RPS6KA2: variants seen among roughly 807,000 people sequenced by gnomAD.
RPS6KA2 encodes ribosomal protein S6 kinase A2.
Under a neutral mutation model 91.8 loss-of-function variants are expected in RPS6KA2, and 42 were observed. That is an observed-to-expected ratio of 0.46 (90% confidence interval 0.36 to 0.59). The LOEUF (loss-of-function observed/expected upper bound fraction) is 0.59. RPS6KA2 is among the 20% of genes least tolerant of loss of function. The probability of loss-of-function intolerance (pLI) is 0.00; values close to 1 mark genes in which losing one functional copy is unlikely to be tolerated. For synonymous variants in RPS6KA2, 414 were observed against 393.6 expected (o/e 1.05, Z -0.61); for missense variants, 798 against 978.5 (o/e 0.82, Z 2.46).
At position 166,445,792 on chromosome 6, in the gene RPS6KA2, T is replaced by A. The variant is rs746440084; in HGVS notation, c.1332+2932A>T. Among the ~76,000 whole-genome samples, 18 of 152,034 alleles carry A rather than the reference T, an allele frequency of 1.2e-4. No individual in the cohort carries two copies. Among genetic ancestry groups the A allele is most frequent in the Non-Finnish European group, 2.6e-4 (18 of 68,004 alleles). ...CCCGTTTGTATCCATGAGCCAGGGG[T>A]AGGTGGGATCGTATACGGCTCAAGC... On this transcript the variant is annotated intron_variant, in intron 14 of 20. Coordinates refer to ENST00000265678, the MANE Select transcript of RPS6KA2 (RefSeq NM_021135.6). The surrounding 1 kb of genome is among the most constrained non-coding windows in gnomAD (Gnocchi z 4.5).
At chr6:166,458,376 G>A (rs370327079) in intron 12 of RPS6KA2, among the ~76,000 whole-genome samples, 1 of 152,168 alleles carries the variant, frequency 6.6e-6, no homozygotes, top group African/African-American at 2.4e-5. Flanking sequence ...TGCCATCCAC[G>A]TAAGATGGGG....
intron 2 of RPS6KA2, among the ~76,000 whole-genome samples, chr6:166,844,026 T>C (rs1002240302): frequency 6.6e-6 from 1 of 151,592 alleles, no homozygotes; most frequent in Non-Finnish European, 1.5e-5. Flanking sequence ...AAAAAACATG[T>C]TATACAAAAT....
chr6:166,515,650 A>T (rs115426493), intron 3 of RPS6KA2, among the ~76,000 whole-genome samples: 117 of 152,316 alleles, frequency 7.7e-4, no homozygotes, highest in African/African-American at 2.7e-3. Context: ...GCTCTGCAGC[A>T]GAGGAGAATG....
At chr6:166,481,459 G>C (rs1371257135) in intron 10 of RPS6KA2, among the ~76,000 whole-genome samples, 1 of 152,258 alleles carries the variant, frequency 6.6e-6, no homozygotes, top group Non-Finnish European at 1.5e-5. Flanking sequence ...CTGCAGAGTG[G>C]AGGCCTCTGA....
chr6:166,561,292 ACCCTGTGCCCAGCTCAAGGT>A (rs1562580387), intron 1 of RPS6KA2, among the ~76,000 whole-genome samples: 1 of 151,948 alleles, frequency 6.6e-6, no homozygotes, highest in African/African-American at 2.4e-5. Flanking sequence ...GGAGGATGAG[ACCCTGTGCCCAGCTCAAGGT>A]CCCTGCTTTG....
intron 2 of RPS6KA2, among the ~76,000 whole-genome samples, chr6:166,792,957 A>C (rs1023578292): frequency 6.6e-5 from 10 of 152,060 alleles, no homozygotes; most frequent in East Asian, 1.9e-4. Flanking sequence ...GACAGGGATG[A>C]CCTCTCTCAC....
intron 9 of RPS6KA2, among the ~76,000 whole-genome samples, chr6:166,489,415 C>T (rs1047519348): frequency 1.3e-5 from 2 of 152,180 alleles, no homozygotes; most frequent in African/African-American, 4.8e-5. Flanking sequence ...AGAAAACCTG[C>T]GAGAGGAGGA....
intron 1 of RPS6KA2, among the ~76,000 whole-genome samples, chr6:166,616,495 T>G (rs1422107522): frequency 6.6e-6 from 1 of 152,198 alleles, no homozygotes; most frequent in Non-Finnish European, 1.5e-5. Flanking sequence ...TTCACATACA[T>G]GACGGTACAG....
chr6:166,751,109 C>A (rs139311507), intron 2 of RPS6KA2, among the ~76,000 whole-genome samples: 122 of 152,282 alleles, frequency 8.0e-4, no homozygotes, highest in Middle Eastern at 6.8e-3. Flanking sequence ...CGGCAGGCCT[C>A]CAGGTTCAGC....
At chr6:166,826,435 G>A (rs1456316649) in intron 2 of RPS6KA2, among the ~76,000 whole-genome samples, 1 of 152,186 alleles carries the variant, frequency 6.6e-6, no homozygotes, top group Non-Finnish European at 1.5e-5. Context: ...CATGTCCTGG[G>A]ATGACCTAAA....
At chr6:166,782,384 G>A (rs538008836) in intron 2 of RPS6KA2, among the ~76,000 whole-genome samples, 1 of 152,294 alleles carries the variant, frequency 6.6e-6, no homozygotes, top group African/African-American at 2.4e-5. Context: ...AGAAGCAATT[G>A]AGTCTTTAGA....
At chr6:166,675,896 T>C (rs1461130821) in intron 2 of RPS6KA2, among the ~76,000 whole-genome samples, 3 of 152,236 alleles carry the variant, frequency 2.0e-5, no homozygotes, top group African/African-American at 7.2e-5. Context: ...CTGAGTTCTA[T>C]ATGCTGCTTC....
intron 1 of RPS6KA2, among the ~76,000 whole-genome samples, chr6:166,611,170 T>A (rs750460028): frequency 2.0e-5 from 3 of 152,234 alleles, no homozygotes; most frequent in Non-Finnish European, 4.4e-5. Flanking sequence ...GAAGCAAATT[T>A]AAAAGTATTA....
In RPS6KA2 at chr6:166,533,012, G is replaced by A. The variant is rs1194916367; in HGVS notation, c.217-1699C>T. Among the ~76,000 whole-genome samples, 1 of 152,214 alleles carries A rather than the reference G, an allele frequency of 6.6e-6. No individual in the cohort carries two copies. The highest frequency in any genetic ancestry group is 2.4e-5 in the African/African-American group (1 of 41,442). On this transcript the variant is annotated intron_variant, in intron 2 of 20. Coordinates refer to ENST00000265678, the MANE Select transcript of RPS6KA2 (RefSeq NM_021135.6). The surrounding 1 kb of genome is among the most constrained non-coding windows in gnomAD (Gnocchi z 4.0). ...GGCTCTTGCTGGCAGACCCACTGTA[G>A]CCCTGGAAGTTACTGCACATGGAAG... is the stretch of plus-strand genomic sequence containing the variant.
rs1219436548 is a variant in RPS6KA2, at chr6:166,437,840, CA to C, written c.1333-5351del. 3.3e-5 allele frequency among the ~76,000 whole-genome samples: 5 copies of C among 152,158 alleles called. No homozygotes were observed. Among genetic ancestry groups the C allele is most frequent in the Non-Finnish European group, 7.4e-5 (5 of 68,020 alleles). On this transcript the variant is annotated intron_variant, in intron 14 of 20. Transcript: ENST00000265678. This position sits in a 1 kb window ranked among gnomAD's most constrained non-coding sequence, Gnocchi z 4.3. ...CTTTCCTCCTGCTGGCCGAAGGCGG[CA>C]ACAGGAGACTTCACCGCTCTCGATA...
chr6:166,716,035 CAAAAAAAAAA>C (rs141709524), intron 2 of RPS6KA2, among the ~76,000 whole-genome samples: 3 of 89,770 alleles, frequency 3.3e-5, no homozygotes, highest in East Asian at 3.2e-4. Flanking sequence ...GAGACTCCAT[CAAAAAAAAAA>C]AAAAAAAAAA....
At chr6:166,683,171 C>T (rs981869825) in intron 2 of RPS6KA2, among the ~76,000 whole-genome samples, 5 of 152,202 alleles carry the variant, frequency 3.3e-5, no homozygotes, top group Admixed American at 6.5e-5. Flanking sequence ...AGGGGCAAGC[C>T]CTTAACCATG....
At chr6:166,826,630 T>C (rs1365145943) in intron 2 of RPS6KA2, among the ~76,000 whole-genome samples, 4 of 152,232 alleles carry the variant, frequency 2.6e-5, no homozygotes, top group Non-Finnish European at 5.9e-5. Context: ...TCCCCTGAAT[T>C]AAGCTAGGCT....
At chr6:166,515,811 T>TA (rs1782625613) in intron 3 of RPS6KA2, among the ~76,000 whole-genome samples, 2 of 152,228 alleles carry the variant, frequency 1.3e-5, no homozygotes, top group Non-Finnish European at 2.9e-5. Context: ...CCTCCCATTC[T>TA]ATTCAAAGTC....
Sources: gnomAD v4.1 joint callset for allele counts (sites outside exome capture counted in the v4.1 genomes callset) on GRCh38, gnomAD v4.1.1 for gene constraint, Gnocchi (gnomAD v3.1) non-coding constraint, MANE v1.5 for transcripts, NCBI Gene and HGNC (gene_info 2026-07-23, HGNC 2026-07-21) for gene names.